ANK3: variants seen among roughly 807,000 people sequenced by gnomAD.
The protein encoded by ANK3 is ankyrin-3.
ANK3 carries 57 observed loss-of-function variants against 370.9 expected under a neutral mutation model. The ratio of observed to expected loss-of-function variants is 0.15; its 90% CI spans 0.12 to 0.19. ANK3 has a LOEUF of 0.19. Among genes scored for constraint, ANK3 ranks in the 10% least tolerant of loss-of-function variants. The pLI, the probability that ANK3 is intolerant of heterozygous loss-of-function variation, is 1.00. For missense variants in ANK3, 4,439 were observed against 5,302.1 expected (o/e 0.84, Z 5.06); for synonymous variants, 1,929 against 1,946.3 (o/e 0.99, Z 0.23).
At chr10:60,228,184 A>G (rs1457317770) in intron 8 of ANK3, among the ~76,000 whole-genome samples, 2 of 152,194 alleles carry the variant, frequency 1.3e-5, no homozygotes, top group African/African-American at 2.4e-5. Context: ...TATTTCTTCT[A>G]TGAATACATG....
intron 25 of ANK3, among the ~76,000 whole-genome samples, chr10:60,117,624 C>T (rs1455751053): frequency 3.3e-5 from 5 of 152,066 alleles, no homozygotes; most frequent in Admixed American, 3.3e-4. Context: ...TGAGACCAGC[C>T]TGGCCAACAT....
At chr10:60,286,793 A>C (rs2040123897) in intron 1 of ANK3, among the ~76,000 whole-genome samples, 1 of 152,242 alleles carries the variant, frequency 6.6e-6, no homozygotes, top group African/African-American at 2.4e-5. Context: ...TATTCCAAAG[A>C]GAAATTTGAG....
chr10:60,491,139 G>A (rs1441464624), intron 2 of ANK3, among the ~76,000 whole-genome samples: 2 of 151,752 alleles, frequency 1.3e-5, no homozygotes, highest in African/African-American at 2.4e-5. Flanking sequence ...TTGTTGATTA[G>A]TATTTCATTC....
chr10:60,357,542 G>T (rs1171086125), intron 1 of ANK3, among the ~76,000 whole-genome samples: 1 of 150,796 alleles, frequency 6.6e-6, no homozygotes, highest in Admixed American at 6.7e-5. Context: ...ATATGTATAA[G>T]GAAATCGAGT....
chr10:60,371,487 A>G (rs1361254013), intron 1 of ANK3, among the ~76,000 whole-genome samples: 1 of 152,100 alleles, frequency 6.6e-6, no homozygotes, highest in Non-Finnish European at 1.5e-5. Flanking sequence ...AGCATGTTTT[A>G]TTTTTTTGTA....
chr10:60,683,736 T>C (rs10821823), intron 1 of ANK3, among the ~76,000 whole-genome samples: 50,986 of 152,086 alleles, frequency 0.34, 8,763 homozygotes, highest in African/African-American at 0.38. Flanking sequence ...CAAATTAACA[T>C]TGAGCTTCAG....
intron 1 of ANK3, among the ~76,000 whole-genome samples, chr10:60,352,548 A>G (rs777623126): frequency 7.9e-5 from 12 of 152,180 alleles, no homozygotes; most frequent in Non-Finnish European, 1.5e-4. Flanking sequence ...ACCAGATCCA[A>G]GGAAACTATG....
chr10:60,202,661 A>G (rs1166474267), intron 12 of ANK3, among the ~76,000 whole-genome samples: 5 of 152,182 alleles, frequency 3.3e-5, no homozygotes, highest in African/African-American at 9.7e-5. Flanking sequence ...AAGCCCAACA[A>G]TTTAGGAGGC....
chr10:60,662,114 G>A (rs2133373155), intron 1 of ANK3, among the ~76,000 whole-genome samples: 2 of 152,162 alleles, frequency 1.3e-5, no homozygotes, highest in South Asian at 2.1e-4. Context: ...AAAATTTATA[G>A]ACACTTTTTA....
intron 2 of ANK3, among the ~76,000 whole-genome samples, chr10:60,514,263 G>A (rs2076161378): frequency 6.6e-6 from 1 of 152,074 alleles, no homozygotes; most frequent in South Asian, 2.1e-4. Flanking sequence ...TACTGTGCAG[G>A]GGGTCAGTGC....
At chr10:60,081,579 G>T in intron 35 of ANK3, 1 of 401,734 alleles carries the variant, frequency 2.5e-6, no homozygotes, top group South Asian at 1.9e-5. Context: ...TTTATCAATA[G>T]CTAGTAAGCA....
chr10:60,205,979 T>A, intron 10 of ANK3, 89 bp from the exon 11 acceptor site: 1 of 838,174 alleles, frequency 1.2e-6, no homozygotes, highest in South Asian at 1.5e-5. Context: ...GCTAAAATGA[T>A]GTGTGGTAAA....
intron 2 of ANK3, among the ~76,000 whole-genome samples, chr10:60,571,920 G>C (rs2077609018): frequency 6.6e-6 from 1 of 152,054 alleles, no homozygotes; most frequent in Non-Finnish European, 1.5e-5. Flanking sequence ...GACAAACTGG[G>C]TATATGGCTG....
chr10:60,063,518 A>G (rs758942998), intron 39 of ANK3, among the ~76,000 whole-genome samples: 1 of 152,244 alleles, frequency 6.6e-6, no homozygotes, highest in Non-Finnish European at 1.5e-5. Flanking sequence ...TGTTGGCTAT[A>G]AGGGGATCTA....
rs1464396090 is a variant in ANK3 at position 60,468,995 on chromosome 10, G to GTATATA, written c.96+146190_96+146191insTATATA. On this transcript the variant is annotated intron_variant, in intron 2 of 43. Coordinates refer to the ANK3 transcript ENST00000373827. ...CCACTATATATATACCACTTTTAGT[G>GTATATA]TGTATATATATATATATATATATAC... Among the ~76,000 whole-genome samples, 174 of 34,560 alleles carry GTATATA rather than the reference G, an allele frequency of 5.0e-3. 28 individuals carry two copies. The highest frequency in any genetic ancestry group is 0.016 in the African/African-American group (148 of 9,158). The allele number at this position is 34,560 out of a possible 152,430, so 22.7% of individuals were successfully genotyped here.
chr10:60,199,897 G>T (rs544261469), intron 13 of ANK3, among the ~76,000 whole-genome samples: 1 of 152,294 alleles, frequency 6.6e-6, no homozygotes, highest in Non-Finnish European at 1.5e-5. Flanking sequence ...TGTGCTGACA[G>T]TTTCAGGCAC....
chr10:60,433,374 T>C (rs1480427896), intron 2 of ANK3, among the ~76,000 whole-genome samples: 1 of 152,120 alleles, frequency 6.6e-6, no homozygotes, highest in Non-Finnish European at 1.5e-5. Context: ...TTTATTCATG[T>C]ACCCATTGAG....
At chr10:60,139,126 C>T (rs2094464257) in intron 23 of ANK3, 39 bp from the exon 24 acceptor site, 1 of 1,600,000 alleles carries the variant, frequency 6.3e-7, no homozygotes, top group African/African-American at 1.3e-5. Flanking sequence ...AAAAGCTTCC[C>T]TTTTGAAAGT....
intron 28 of ANK3, among the ~76,000 whole-genome samples, chr10:60,093,530 G>A (rs911263370): frequency 6.6e-6 from 1 of 152,166 alleles, no homozygotes; most frequent in Non-Finnish European, 1.5e-5. Flanking sequence ...TGGAAGTACT[G>A]TACACTTCTT....
Sources: gnomAD v4.1 joint callset for allele counts (sites outside exome capture counted in the v4.1 genomes callset) on GRCh38, gnomAD v4.1.1 for gene constraint, MANE v1.5 for transcripts, NCBI Gene and HGNC (gene_info 2026-07-23, HGNC 2026-07-21) for gene names.